The following SLC30A8 variants were observed in gnomAD, a reference collection of about 807,000 sequenced individuals.
SLC30A8 encodes proton-coupled zinc antiporter SLC30A8.
SLC30A8 carries 27 observed loss-of-function variants against 36.9 expected under a neutral mutation model. The ratio of observed to expected loss-of-function variants is 0.73; its 90% confidence interval spans 0.54 to 1.01. The LOEUF (loss-of-function observed/expected upper bound fraction) is 1.01, where lower values mean the gene tolerates loss of function less well. Among genes scored for constraint, SLC30A8 ranks in the 50% least tolerant of loss-of-function variants. SLC30A8 has a pLI of 0.00. For synonymous variants in SLC30A8, 164 were observed against 172.4 expected (o/e 0.95, Z 0.38); for missense variants, 439 against 452.0 (o/e 0.97, Z 0.26).
At position 117,126,468 on chromosome 8, in the gene SLC30A8, G is replaced by C. The variant is rs147318109; in HGVS notation, c.-225-8812G>C. ...TTGGTGAATGGTACCCAAGTCTTCT[G>C]ACTTCAAAGGCTTTACTCTGAATCA... On this transcript the variant is annotated intron_variant, in intron 2 of 10. Transcript: ENST00000427715. Among the ~76,000 whole-genome samples, 103 of 151,988 alleles carry C rather than the reference G, an allele frequency of 6.8e-4. 1 individual carries two copies. The highest frequency in any genetic ancestry group is 2.4e-3 in the African/African-American group (99 of 41,478).
intron 1 of SLC30A8, among the ~76,000 whole-genome samples, chr8:116,970,207 C>A (rs956519495): frequency 3.2e-4 from 48 of 152,050 alleles, no homozygotes; most frequent in Non-Finnish European, 5.9e-4. Flanking sequence ...TACATTAGCT[C>A]AGGGTCACGA....
At chr8:117,156,913 A>G (rs2130996559) in intron 3 of SLC30A8, among the ~76,000 whole-genome samples, 1 of 152,344 alleles carries the variant, frequency 6.6e-6, no homozygotes, top group South Asian at 2.1e-4. Flanking sequence ...GGGAAGGACT[A>G]AATGATGGAT....
At chr8:117,071,283 C>T (rs1361540022) in intron 2 of SLC30A8, among the ~76,000 whole-genome samples, 5 of 152,112 alleles carry the variant, frequency 3.3e-5, no homozygotes, top group African/African-American at 1.2e-4. Context: ...TTTTAATTTG[C>T]AGTCTCCTAA....
chr8:117,031,229 T>TG (rs1817033919), intron 1 of SLC30A8, among the ~76,000 whole-genome samples: 1 of 152,232 alleles, frequency 6.6e-6, no homozygotes, highest in African/African-American at 2.4e-5. Flanking sequence ...CACATTTTGG[T>TG]CATTTAATCT....
intron 1 of SLC30A8, among the ~76,000 whole-genome samples, chr8:116,979,353 C>A (rs1375126995): frequency 6.6e-6 from 1 of 151,694 alleles, no homozygotes; most frequent in African/African-American, 2.4e-5. Context: ...TTATCCTCCT[C>A]GAAGAAAACA....
At chr8:117,013,393 G>A (rs889954739) in intron 1 of SLC30A8, among the ~76,000 whole-genome samples, 1 of 152,046 alleles carries the variant, frequency 6.6e-6, no homozygotes, top group African/African-American at 2.4e-5. Flanking sequence ...CAAAAGACTG[G>A]GAATACAAGG....
chr8:117,164,806 C>T (rs983061975), intron 6 of SLC30A8, among the ~76,000 whole-genome samples: 3 of 152,046 alleles, frequency 2.0e-5, no homozygotes, highest in Non-Finnish European at 4.4e-5. Flanking sequence ...TGTTATTAAC[C>T]TCATCATCTA....
chr8:117,030,360 T>A (rs1817003978), intron 1 of SLC30A8, among the ~76,000 whole-genome samples: 1 of 152,218 alleles, frequency 6.6e-6, no homozygotes, highest in Non-Finnish European at 1.5e-5. Flanking sequence ...AATTTTTAGT[T>A]GTTCACCAGG....
At chr8:117,104,659 T>A (rs1416146246) in intron 2 of SLC30A8, among the ~76,000 whole-genome samples, 1 of 152,128 alleles carries the variant, frequency 6.6e-6, no homozygotes, top group Non-Finnish European at 1.5e-5. Context: ...GATTCTTGGA[T>A]CTCATGCAAG....
chr8:117,141,354 G>C (rs566523777), intron 1 of SLC30A8, among the ~76,000 whole-genome samples: 1 of 152,084 alleles, frequency 6.6e-6, no homozygotes, highest in African/African-American at 2.4e-5. Flanking sequence ...AGTAATGCAA[G>C]CTTAATTTAA....
chr8:116,957,337 C>T (rs941501530), intron 1 of SLC30A8, among the ~76,000 whole-genome samples: 3 of 151,724 alleles, frequency 2.0e-5, no homozygotes, highest in Non-Finnish European at 2.9e-5. Context: ...AGTGCAGTGG[C>T]GCCATCTCCT....
At chr8:116,977,656 C>T (rs964210555) in intron 1 of SLC30A8, among the ~76,000 whole-genome samples, 2 of 151,932 alleles carry the variant, frequency 1.3e-5, no homozygotes, top group Non-Finnish European at 2.9e-5. Context: ...AGACTACAGG[C>T]GTGTGTCACC....
intron 2 of SLC30A8, among the ~76,000 whole-genome samples, chr8:117,112,784 G>T (rs1174509002): frequency 6.6e-6 from 1 of 152,100 alleles, no homozygotes; most frequent in Non-Finnish European, 1.5e-5. Context: ...GCGAATGCTG[G>T]GGTGTATCCC....
At chr8:117,161,665 A>C in intron 4 of SLC30A8, 73 bp from the exon 5 acceptor site, 1 of 1,438,148 alleles carries the variant, frequency 7.0e-7, no homozygotes, top group Non-Finnish European at 9.4e-7. Flanking sequence ...TGTTATTGCC[A>C]GCTTCTCCAT....
At chr8:117,056,520 T>C (rs1363273391) in intron 2 of SLC30A8, among the ~76,000 whole-genome samples, 3 of 145,062 alleles carry the variant, frequency 2.1e-5, no homozygotes, top group African/African-American at 5.4e-5. Context: ...AGTACAAGCA[T>C]GGATTTCTCT....
chr8:116,995,857 C>T (rs918892782), intron 1 of SLC30A8, among the ~76,000 whole-genome samples: 8 of 152,062 alleles, frequency 5.3e-5, no homozygotes, highest in African/African-American at 1.9e-4. Flanking sequence ...AACGCACAAT[C>T]TTCTTGCACC....
At chr8:117,101,530 TATATG>T (rs1210601812) in intron 2 of SLC30A8, among the ~76,000 whole-genome samples, 3 of 152,184 alleles carry the variant, frequency 2.0e-5, no homozygotes, top group Non-Finnish European at 4.4e-5. Flanking sequence ...TTTATTTAGA[TATATG>T]ATGTGATGGT....
intron 2 of SLC30A8, among the ~76,000 whole-genome samples, chr8:117,112,130 C>G (rs1250842811): frequency 6.6e-6 from 1 of 152,110 alleles, no homozygotes; most frequent in East Asian, 1.9e-4. Flanking sequence ...AAAAATTTAA[C>G]TACTAGGAGT....
chr8:117,054,337 G>A (rs1817802112), intron 2 of SLC30A8, among the ~76,000 whole-genome samples: 1 of 152,084 alleles, frequency 6.6e-6, no homozygotes, highest in Admixed American at 6.5e-5. Flanking sequence ...CTGGGTTCGA[G>A]CAATCCCCTT....
Sources: gnomAD v4.1 joint callset for allele counts (sites outside exome capture counted in the v4.1 genomes callset) on GRCh38, gnomAD v4.1.1 for gene constraint, MANE v1.5 for transcripts, NCBI Gene and HGNC (gene_info 2026-07-23, HGNC 2026-07-21) for gene names.